TNPO1: variants seen among roughly 807,000 people sequenced by gnomAD.
TNPO1 encodes transportin 1.
Under a neutral mutation model 119.5 loss-of-function variants are expected in TNPO1, and 8 were observed. That is an observed-to-expected ratio of 0.07 (90% CI 0.04 to 0.12). TNPO1 has a LOEUF of 0.12. Among genes scored for constraint, TNPO1 ranks in the 10% least tolerant of loss-of-function variants. The probability of loss-of-function intolerance (pLI) is 1.00; values close to 1 mark genes in which losing one functional copy is unlikely to be tolerated. For missense variants in TNPO1, 576 were observed against 1,089.8 expected (o/e 0.53, Z 6.64); for synonymous variants, 362 against 363.0 (o/e 1.00, Z 0.03).
chr5:72,861,654 T>C (rs2112312058), intron 4 of TNPO1, among the ~76,000 whole-genome samples, 154 bp from the exon 5 acceptor site: 1 of 152,312 alleles, frequency 6.6e-6, no homozygotes, highest in Middle Eastern at 3.4e-3. Context: ...TCTGCCCGCC[T>C]CGGCCTCCCA....
At chr5:72,881,306 T>A (rs1444748191) in intron 9 of TNPO1, among the ~76,000 whole-genome samples, 1 of 152,168 alleles carries the variant, frequency 6.6e-6, no homozygotes, top group Non-Finnish European at 1.5e-5. Context: ...AGACTGGATT[T>A]CACTATGTTG....
chr5:72,875,768 C>CATCTTTCCCCTAAGAGAAAT (rs755060470), intron 8 of TNPO1, 31 bp downstream of exon 8: 11 of 1,582,680 alleles, frequency 7.0e-6, no homozygotes, highest in East Asian at 6.8e-5. Context: ...GCTCTTTCAT[C>CATCTTTCCCCTAAGAGAAAT]ATCTTTCCCC....
chr5:72,900,279 A>G (rs1015361006), intron 21 of TNPO1, among the ~76,000 whole-genome samples, 198 bp downstream of exon 21: 3 of 152,180 alleles, frequency 2.0e-5, no homozygotes, highest in East Asian at 1.9e-4. Flanking sequence ...TGTTGTGGCT[A>G]ACGACTAATT....
chr5:72,817,931 C>G (rs1743775410), intron 1 of TNPO1, among the ~76,000 whole-genome samples: 1 of 152,182 alleles, frequency 6.6e-6, no homozygotes, highest in Non-Finnish European at 1.5e-5. Flanking sequence ...GGGAAAGGAT[C>G]TGTTTTCCAC....
chr5:72,817,927 G>A (rs572700999), intron 1 of TNPO1, among the ~76,000 whole-genome samples: 14 of 152,252 alleles, frequency 9.2e-5, no homozygotes, highest in East Asian at 1.9e-4. Context: ...TTTTGGGAAA[G>A]GATCTGTTTT....
chr5:72,822,884 C>T (rs971433864), intron 1 of TNPO1, among the ~76,000 whole-genome samples: 9 of 146,270 alleles, frequency 6.2e-5, no homozygotes, highest in African/African-American at 1.8e-4. Flanking sequence ...TGAGCCACTG[C>T]GCCCGGCCTG....
chr5:72,882,574 C>T, intron 10 of TNPO1, 47 bp downstream of exon 10: 1 of 1,352,234 alleles, frequency 7.4e-7, no homozygotes, highest in Non-Finnish European at 1.0e-6. Flanking sequence ...TTTATATTGA[C>T]TTAGTACATC....
At chr5:72,880,816 C>CAA (rs35726893) in intron 9 of TNPO1, among the ~76,000 whole-genome samples, 51,561 of 100,466 alleles carry the variant, frequency 0.51, 12,555 homozygotes, top group Admixed American at 0.6. Flanking sequence ...GACTCCATCT[C>CAA]AAAAAAAAAA....
chr5:72,839,210 T>A lies in TNPO1; in HGVS notation c.16-9175T>A, dbSNP rs72764806. On this transcript the variant is annotated intron_variant, in intron 1 of 24. Transcript: ENST00000337273. ...AGCACATTAATAAATCCTATGATAC[T>A]AAGAGAATCGGACCTAATTATTTTG... Among the ~76,000 whole-genome samples, 436 of 152,294 alleles carry A rather than the reference T, an allele frequency of 2.9e-3. 8 individuals are homozygous for A. The South Asian group carries it at 0.029, about 10-fold the overall frequency.
At chr5:72,896,373 TTC>T (rs1252730572) in intron 18 of TNPO1, 83 bp from the exon 19 acceptor site, 13 of 770,676 alleles carry the variant, frequency 1.7e-5, no homozygotes, top group Non-Finnish European at 2.4e-5. Context: ...TTGCTTAGAT[TTC>T]TGTTTCCACC....
chr5:72,903,378 T>C (rs1207397701), intron 22 of TNPO1, among the ~76,000 whole-genome samples: 1 of 152,204 alleles, frequency 6.6e-6, no homozygotes, highest in Non-Finnish European at 1.5e-5. Flanking sequence ...TTTAATCCGG[T>C]AAATGAAAGA....
intron 1 of TNPO1, among the ~76,000 whole-genome samples, chr5:72,824,836 T>C (rs946144766): frequency 2.0e-5 from 3 of 152,184 alleles, no homozygotes; most frequent in African/African-American, 7.2e-5. Flanking sequence ...TGCAACTACC[T>C]ATTCAACATC....
chr5:72,856,475 C>T (rs750534620), intron 4 of TNPO1, among the ~76,000 whole-genome samples: 27 of 152,112 alleles, frequency 1.8e-4, no homozygotes, highest in Non-Finnish European at 3.2e-4. Flanking sequence ...TCAGGTGATC[C>T]GCCTGCCTCA....
chr5:72,906,492 A>G (rs1336828802), intron 24 of TNPO1, among the ~76,000 whole-genome samples: 1 of 151,666 alleles, frequency 6.6e-6, no homozygotes, highest in South Asian at 2.1e-4. Flanking sequence ...GGGTTTCACC[A>G]TGTTGGCCGG....
In TNPO1 at chr5:72,903,756, A is replaced by T; in HGVS notation, c.2562A>T (p.Lys854Asn). 1.9e-6 allele frequency: 3 copies of T among 1,609,094 alleles called. No individual in the cohort carries two copies. Among genetic ancestry groups the T allele is most frequent in the African/African-American group, 2.7e-5 (2 of 74,924 alleles). Residue 854 changes from lysine (K) to asparagine (N), a missense_variant, in exon 23 of 25, where the codon AAA (lysine) becomes AAT (asparagine). By Grantham distance (94) the Lys-to-Asn change is moderately conservative. This residue lies in a region of TNPO1 where 162 missense variants were observed against 294.1 expected (regional missense o/e 0.55). Transcript: ENST00000337273. ...CCGTTGCATCATGGATTAACCCAAAAGATGATCTCAGAGACATGTTCTGTA... is the reference window on the plus strand; with the variant it reads ...CCGTTGCATCATGGATTAACCCAAATGATGATCTCAGAGACATGTTCTGTA... ...CDAVASWINP[K>N]DDLRDMFCKI...
chr5:72,855,288 G>A (rs1745902387), intron 3 of TNPO1, among the ~76,000 whole-genome samples: 2 of 151,306 alleles, frequency 1.3e-5, no homozygotes, highest in East Asian at 1.9e-4. Flanking sequence ...AAAAAAACCA[G>A]CAACAAAATT....
At chr5:72,865,316 C>T (rs1375993466) in intron 5 of TNPO1, among the ~76,000 whole-genome samples, 8 of 151,836 alleles carry the variant, frequency 5.3e-5, no homozygotes, top group African/African-American at 1.9e-4. Flanking sequence ...ATGGCAGGCA[C>T]CTGTAATCCC....
chr5:72,833,018 A>G (rs1744545843), intron 1 of TNPO1, among the ~76,000 whole-genome samples: 1 of 152,146 alleles, frequency 6.6e-6, no homozygotes, highest in Non-Finnish European at 1.5e-5. Context: ...ATCAGCCTTC[A>G]TTGTACCAAC....
At chr5:72,857,894 G>C (rs985057932) in intron 4 of TNPO1, among the ~76,000 whole-genome samples, 1 of 152,168 alleles carries the variant, frequency 6.6e-6, no homozygotes, top group African/African-American at 2.4e-5. Context: ...ACATGTTTAG[G>C]AGCTGACTTT....
Sources: allele counts gnomAD v4.1 joint callset (sites outside exome capture counted in the v4.1 genomes callset), GRCh38; gene constraint gnomAD v4.1.1; regional missense constraint gnomAD v4.1.1; transcripts MANE v1.5; gene names NCBI Gene and HGNC (gene_info 2026-07-23, HGNC 2026-07-21).